Variants in ATP2C2 observed in about 807,000 individuals in gnomAD.
ATP2C2 encodes the protein ATPase secretory pathway Ca2+ transporting 2, also known as calcium-transporting ATPase type 2C member 2.
Under a neutral mutation model 110.8 loss-of-function variants are expected in ATP2C2, and 171 were observed. The ratio of observed to expected loss-of-function variants is 1.54; its 90% CI spans 1.36 to 1.75. The LOEUF is 1.75. ATP2C2 is among the 40% of genes most tolerant of loss of function. The pLI, the probability that ATP2C2 is intolerant of heterozygous loss-of-function variation, is 0.00. For synonymous variants in ATP2C2, 804 were observed against 508.4 expected (o/e 1.58, Z -7.82); for missense variants, 1,963 against 1,235.0 (o/e 1.59, Z -8.84).
At chr16:84,391,307 C>T (rs74035982) in intron 1 of ATP2C2, among the ~76,000 whole-genome samples, 5,945 of 152,230 alleles carry the variant, frequency 0.039, 381 homozygotes, top group African/African-American at 0.14. Context: ...GCCTCGGACC[C>T]TTCAGCCCCA....
chr16:84,415,628 A>T, intron 7 of ATP2C2, 37 bp downstream of exon 7: 1 of 1,545,658 alleles, frequency 6.5e-7, no homozygotes. Context: ...GGGGTATTTG[A>T]TGGAGCTGGT....
At chr16:84,420,722 C>A (rs1907256332) in intron 7 of ATP2C2, among the ~76,000 whole-genome samples, 1 of 152,140 alleles carries the variant, frequency 6.6e-6, no homozygotes, top group South Asian at 2.1e-4. Flanking sequence ...TCCTACCTGA[C>A]ATTTAGTGGT....
Position 84,394,015 on chromosome 16 carries a change from A to T in ATP2C2, c.100-4484A>T, listed in dbSNP as rs868253348. ...AATTAAAAATACCAAAAAAAATAAA[A>T]AAATAAAAAATAAAAAGGCCTGGTG... On this transcript the variant is annotated intron_variant, in intron 1 of 26. Transcript: ENST00000262429. 2.8e-3 allele frequency among the ~76,000 whole-genome samples: 412 copies of T among 145,160 alleles called. 8 individuals are homozygous for T. The highest frequency in any genetic ancestry group is 9.5e-3 in the African/African-American group (364 of 38,354).
At chr16:84,447,919 T>C (rs1022803490) in intron 16 of ATP2C2, among the ~76,000 whole-genome samples, 1 of 150,932 alleles carries the variant, frequency 6.6e-6, no homozygotes, top group South Asian at 2.1e-4. Flanking sequence ...TATTATCTTA[T>C]AACAGTGTTA....
chr16:84,416,256 C>G (rs1221956753), intron 7 of ATP2C2, among the ~76,000 whole-genome samples: 1 of 152,168 alleles, frequency 6.6e-6, no homozygotes, highest in African/African-American at 2.4e-5. Context: ...CAGAGCCATG[C>G]CTGAGGCACT....
At chr16:84,398,720 A>G (rs1050941637) in intron 2 of ATP2C2, 111 bp downstream of exon 2, 20 of 846,780 alleles carry the variant, frequency 2.4e-5, no homozygotes, top group Non-Finnish European at 3.5e-5. Context: ...TATCAATTTT[A>G]TCATCAAGGT....
At chr16:84,455,580 G>C (rs978415687) in intron 21 of ATP2C2, among the ~76,000 whole-genome samples, 1 of 151,346 alleles carries the variant, frequency 6.6e-6, no homozygotes, top group African/African-American at 2.4e-5. Context: ...ATTTTAATTA[G>C]TTCTGAGACT....
intron 1 of ATP2C2, 34 bp downstream of exon 1, chr16:84,368,748 C>T: frequency 2.1e-6 from 3 of 1,459,996 alleles, no homozygotes; most frequent in Non-Finnish European, 2.7e-6. Flanking sequence ...GGGCGTGCGA[C>T]CCGACCCCCC....
chr16:84,378,557 G>C (rs1910386820), intron 1 of ATP2C2, among the ~76,000 whole-genome samples: 1 of 152,198 alleles, frequency 6.6e-6, no homozygotes, highest in African/African-American at 2.4e-5. Flanking sequence ...AATCAAAAAA[G>C]AGTAAGTGAG....
intron 1 of ATP2C2, among the ~76,000 whole-genome samples, chr16:84,383,944 C>G (rs1904291313): frequency 6.6e-6 from 1 of 151,928 alleles, no homozygotes; most frequent in African/African-American, 2.4e-5. Context: ...CATGTGCCAC[C>G]ACGCCCAGCT....
intron 1 of ATP2C2, 146 bp downstream of exon 1, chr16:84,368,860 A>G (rs1158316535): frequency 1.4e-6 from 1 of 711,658 alleles, no homozygotes; most frequent in Non-Finnish European, 2.3e-6. Context: ...CTGTCCTCAC[A>G]GCAACCGCGC....
intron 10 of ATP2C2, 149 bp from the exon 11 acceptor site, chr16:84,425,586 G>A (rs1907737042): frequency 1.1e-6 from 1 of 879,802 alleles, no homozygotes; most frequent in Non-Finnish European, 1.9e-6. Context: ...TTAGAAAAGA[G>A]AAGAGACGGG....
intron 23 of ATP2C2, 172 bp from the exon 24 acceptor site, chr16:84,460,482 G>T (rs8052817): frequency 1.1e-6 from 1 of 871,894 alleles, no homozygotes; most frequent in East Asian, 2.4e-5. Context: ...CCAGGCTCTG[G>T]GGCTTCTGGA....
chr16:84,421,151 G>T (rs1297275298), intron 7 of ATP2C2, among the ~76,000 whole-genome samples: 1 of 152,190 alleles, frequency 6.6e-6, no homozygotes, highest in African/African-American at 2.4e-5. Flanking sequence ...TTTCCAGAAT[G>T]TTCTTTGAGC....
At chr16:84,453,500 G>A in intron 20 of ATP2C2, 129 bp downstream of exon 20, 1 of 1,274,998 alleles carries the variant, frequency 7.8e-7, no homozygotes, top group Non-Finnish European at 1.1e-6. Context: ...CTAGGTCCAG[G>A]GCAGCTGCCC....
rs770524472 is a variant in ATP2C2, at chr16:84,460,777, G to C, written c.2457G>C (p.Gly819=). Residue 819 remains glycine (G), a synonymous_variant, in exon 24 of 27, where the codon GGG becomes GGC. Coordinates refer to ENST00000262429, the MANE Select transcript of ATP2C2 (RefSeq NM_014861.4). ...TGTCCGCGGCCATCATCATCAGCGG[G>C]ACCCTCTTTATCTTCTGGAAGGAGG... The part of the protein sequence containing the change: ...ILMSAAIIIS[G]TLFIFWKEMP... The C allele has an allele frequency of 1.6e-5, 26 of 1,613,696 alleles. No individual in the cohort carries two copies. In the South Asian group the frequency reaches 2.9e-4, roughly 18 times the overall value.
chr16:84,421,691 G>C (rs1907353798), intron 7 of ATP2C2, among the ~76,000 whole-genome samples: 1 of 152,170 alleles, frequency 6.6e-6, no homozygotes, highest in Non-Finnish European at 1.5e-5. Context: ...ATCGTTTCTG[G>C]AACCAGAGCT....
chr16:84,396,982 A>G (rs1216537119), intron 1 of ATP2C2, among the ~76,000 whole-genome samples: 2 of 151,780 alleles, frequency 1.3e-5, no homozygotes, highest in Non-Finnish European at 2.9e-5. Flanking sequence ...GTCAAGAAGG[A>G]AGAGTGGGAT....
chr16:84,463,815 G>C lies in ATP2C2; in HGVS notation c.*83G>C, dbSNP rs1005366548. On this transcript the variant is annotated 3_prime_UTR_variant, in exon 27 of 27. Transcript: ENST00000262429. ...CCTGCCGTGTCTCCTCGTCAGGGGAGACTTTTAGGAGGCCGCAGCCTTCCA... is the reference window on the plus strand; with the variant it reads ...CCTGCCGTGTCTCCTCGTCAGGGGACACTTTTAGGAGGCCGCAGCCTTCCA... 4.8e-6 allele frequency: 6 copies of C among 1,244,418 alleles called. No individual in the cohort carries two copies. The highest frequency in any genetic ancestry group is 4.5e-5 in the African/African-American group (3 of 66,658). The allele number at this position is 1,244,418 out of a possible 1,614,324, so 77.1% of individuals were successfully genotyped here.
Sources: gnomAD v4.1 joint callset for allele counts (sites outside exome capture counted in the v4.1 genomes callset) on GRCh38, gnomAD v4.1.1 for gene constraint, MANE v1.5 for transcripts, NCBI Gene and HGNC (gene_info 2026-07-23, HGNC 2026-07-21) for gene names.